Variants in MICAL3 observed in about 807,000 individuals in gnomAD.
The protein encoded by MICAL3 is microtubule associated monooxygenase, calponin and LIM domain containing 3.
MICAL3 carries 62 observed loss-of-function variants against 207.4 expected under a neutral mutation model. That is an observed-to-expected ratio of 0.30 (90% CI 0.24 to 0.37). The LOEUF is 0.37. Among genes scored for constraint, MICAL3 ranks in the 10% least tolerant of loss-of-function variants. The probability of loss-of-function intolerance (pLI) is 1.00; values close to 1 mark genes in which losing one functional copy is unlikely to be tolerated. For synonymous variants in MICAL3, 1,077 were observed against 1,069.3 expected, an observed-to-expected ratio of 1.01 and a Z score of -0.14; for missense variants, 2,368 against 2,635.6, an observed-to-expected ratio of 0.90 and a Z score of 2.22.
chr22:17,904,123 A>C (rs1931540232), intron 3 of MICAL3, among the ~76,000 whole-genome samples: 1 of 152,244 alleles, frequency 6.6e-6, no homozygotes, highest in Non-Finnish European at 1.5e-5. Context: ...TCCCCTTGCC[A>C]TTAACGGCCA....
intron 1 of MICAL3, among the ~76,000 whole-genome samples, chr22:18,022,038 T>C (rs1225490427): frequency 6.6e-6 from 1 of 152,176 alleles, no homozygotes; most frequent in Non-Finnish European, 1.5e-5. Flanking sequence ...TTCTAGTTTA[T>C]GTAAAATTTT....
At chr22:17,825,448 T>A (rs1922073571) in intron 22 of MICAL3, among the ~76,000 whole-genome samples, 1 of 151,428 alleles carries the variant, frequency 6.6e-6, no homozygotes, top group Non-Finnish European at 1.5e-5. Flanking sequence ...GCTCTTGGTT[T>A]CCTTCAGCCG....
At chr22:17,980,529 G>C (rs1016444046) in intron 1 of MICAL3, among the ~76,000 whole-genome samples, 12 of 152,180 alleles carry the variant, frequency 7.9e-5, no homozygotes. Flanking sequence ...GCAGAGTCTT[G>C]AACACAGGAA....
Position 17,817,413 on chromosome 22 carries a change from C to A in MICAL3, c.5248G>T (p.Asp1750Tyr), listed in dbSNP as rs1191815882. 2 of 1,613,352 alleles carry A rather than the reference C, an allele frequency of 1.2e-6. No individual in the cohort carries two copies. The highest frequency in any genetic ancestry group is 1.7e-6 in the Non-Finnish European group (2 of 1,179,864). The change falls in exon 26 of 32, where the codon GAC becomes TAC. Residue 1750 changes from aspartate (D) to tyrosine (Y), a missense_variant. Around this residue, in one of 4 missense-constraint regions of MICAL3, gnomAD observed 1,770 missense variants for 1,863.2 expected, o/e 0.95. Transcript: ENST00000441493. ...WKSVFSGYKK[D>Y]KKKKADDKSC... ...TTGTCGTCGGCCTTCTTCTTCTTGT[C>A]CTTCTTGTACCCGGAGAAGACGGAC...
At chr22:17,807,693 A>G (rs1328568070) in intron 29 of MICAL3, among the ~76,000 whole-genome samples, 1 of 152,140 alleles carries the variant, frequency 6.6e-6, no homozygotes, top group African/African-American at 2.4e-5. Flanking sequence ...CACAAACTTC[A>G]GTCCTACAGG....
intron 11 of MICAL3, among the ~76,000 whole-genome samples, chr22:17,892,042 G>A (rs1930436011): frequency 6.6e-6 from 1 of 152,162 alleles, no homozygotes; most frequent in Admixed American, 6.5e-5. Flanking sequence ...AAGTAACACT[G>A]GGAAGAGGAG....
At chr22:17,989,230 G>C (rs1921387340) in intron 1 of MICAL3, among the ~76,000 whole-genome samples, 2 of 152,072 alleles carry the variant, frequency 1.3e-5, no homozygotes, top group Admixed American at 6.6e-5. Context: ...CTTTCAGGAA[G>C]CCCTTCCTGC....
intron 1 of MICAL3, among the ~76,000 whole-genome samples, chr22:17,979,804 A>AC (rs1271204841): frequency 6.6e-6 from 1 of 150,608 alleles, no homozygotes; most frequent in Non-Finnish European, 1.5e-5. Context: ...CAAAAAAAAA[A>AC]CCCACAGGTT....
intron 1 of MICAL3, among the ~76,000 whole-genome samples, chr22:18,021,469 G>A (rs886686768): frequency 6.6e-6 from 1 of 152,230 alleles, no homozygotes; most frequent in African/African-American, 2.4e-5. Flanking sequence ...AAGTACTAGG[G>A]AAACCTGTGG....
rs1241216837 is a variant in MICAL3, at chr22:17,846,637, T to C, written c.2606-4620A>G. 5.9e-5 allele frequency among the ~76,000 whole-genome samples: 9 copies of C among 152,160 alleles called. No homozygotes were observed. In the East Asian group the frequency reaches 1.7e-3, roughly 29 times the overall value. The stretch of plus-strand genomic sequence containing the variant: ...TGTAAACAAGCGCTTTGCAAGGTGC[T>C]GGATTGCCAAGCCGAAGTGCACCCC... On this transcript the variant is annotated intron_variant, in intron 19 of 31. Transcript: ENST00000441493.
At chr22:17,952,697 G>C (rs191931959) in intron 1 of MICAL3, among the ~76,000 whole-genome samples, 1 of 149,666 alleles carries the variant, frequency 6.7e-6, no homozygotes, top group Non-Finnish European at 1.5e-5. Flanking sequence ...CCACACAGGC[G>C]GGGCGTCAGA....
intron 16 of MICAL3, among the ~76,000 whole-genome samples, chr22:17,883,568 G>A (rs767374708): frequency 3.9e-5 from 6 of 152,120 alleles, no homozygotes; most frequent in Non-Finnish European, 5.9e-5. Context: ...GGCTCCACTC[G>A]AGAGCAGGGA....
chr22:17,994,394 C>T (rs1476986825), intron 1 of MICAL3, among the ~76,000 whole-genome samples: 1 of 152,174 alleles, frequency 6.6e-6, no homozygotes, highest in Non-Finnish European at 1.5e-5. Flanking sequence ...CACTGGCCTC[C>T]CGGGACCCAT....
At chr22:17,944,190 T>C (rs1231036543) in intron 1 of MICAL3, among the ~76,000 whole-genome samples, 4 of 152,148 alleles carry the variant, frequency 2.6e-5, no homozygotes, top group Non-Finnish European at 4.4e-5. Context: ...GGACATCAGT[T>C]AAAACCTCTA....
Position 17,979,171 on chromosome 22 carries a change from C to T in MICAL3, c.-75+45110G>A, listed in dbSNP as rs561969348. ...CCTGGGCACAGGAATGAGACCCTGT[C>T]TAAAAAAACCCTGAGGGGAGTAACC... On this transcript the variant is annotated intron_variant, in intron 1 of 31. Transcript: ENST00000441493. 5.1e-4 allele frequency among the ~76,000 whole-genome samples: 77 copies of T among 151,942 alleles called. 1 individual carries two copies. Among genetic ancestry groups the T allele is most frequent in the African/African-American group, 1.8e-3 (75 of 41,456 alleles).
chr22:17,952,275 C>A (rs1934385633), intron 1 of MICAL3, among the ~76,000 whole-genome samples: 1 of 152,174 alleles, frequency 6.6e-6, no homozygotes, highest in South Asian at 2.1e-4. Context: ...GTGCCCCCAA[C>A]CTCCCCATCA....
chr22:17,821,296 G>T, intron 25 of MICAL3, 131 bp downstream of exon 25: 1 of 699,508 alleles, frequency 1.4e-6, no homozygotes, highest in Non-Finnish European at 2.3e-6. Context: ...CTCAGAATGA[G>T]GAGGCCAGCA....
intron 1 of MICAL3, among the ~76,000 whole-genome samples, chr22:17,985,106 G>A (rs532959613): frequency 1.2e-4 from 18 of 152,362 alleles, no homozygotes; most frequent in South Asian, 2.1e-4. Flanking sequence ...GCAAAGCCAC[G>A]CAAGAGTTGA....
rs1188349683 is a variant in MICAL3 at position 17,841,424 on chromosome 22, T to C, written c.2801+398A>G. ...TACCTACAGGAGAAAAAAAGATGCC[T>C]GGGGGACGGACTAGGCCTCCCTCAA... On this transcript the variant is annotated intron_variant, in intron 20 of 31. Transcript: ENST00000441493. The surrounding 1 kb of genome is among the most constrained non-coding windows in gnomAD (Gnocchi z 4.2). 1 of 359,442 alleles carries C rather than the reference T, an allele frequency of 2.8e-6. No individual in the cohort carries two copies. Among genetic ancestry groups the C allele is most frequent in the East Asian group, 4.2e-5 (1 of 23,830 alleles). 22.3% of individuals were successfully genotyped at this position (359,442 alleles called of 1,614,324 possible).
Sources: allele counts gnomAD v4.1 joint callset (sites outside exome capture counted in the v4.1 genomes callset), GRCh38; gene constraint gnomAD v4.1.1; regional missense constraint gnomAD v4.1.1; non-coding constraint Gnocchi (gnomAD v3.1); transcripts MANE v1.5; gene names NCBI Gene and HGNC (gene_info 2026-07-23, HGNC 2026-07-21).